EFHC1: variants seen among roughly 807,000 people sequenced by gnomAD.
EFHC1 encodes EF-hand domain-containing protein 1.
Under a neutral mutation model 69.9 loss-of-function variants are expected in EFHC1, and 53 were observed. That is an observed-to-expected ratio of 0.76 (90% confidence interval 0.61 to 0.95). The LOEUF (loss-of-function observed/expected upper bound fraction) is 0.95, where lower values mean the gene tolerates loss of function less well. Ranked by LOEUF, EFHC1 falls within the 40% of genes least tolerant of loss-of-function variation. The pLI is 0.00. For missense variants in EFHC1, 739 were observed against 798.7 expected (o/e 0.93, Z 0.90); for synonymous variants, 256 against 278.4 (o/e 0.92, Z 0.80).
At chr6:52,435,798 C>G (rs1764520159) in intron 2 of EFHC1, among the ~76,000 whole-genome samples, 1 of 152,214 alleles carries the variant, frequency 6.6e-6, no homozygotes, top group South Asian at 2.1e-4. Flanking sequence ...ATCTTTCACT[C>G]TTCAAGTCTA....
chr6:52,428,794 G>A (rs1274061003), intron 2 of EFHC1, among the ~76,000 whole-genome samples: 1 of 152,088 alleles, frequency 6.6e-6, no homozygotes, highest in East Asian at 1.9e-4. Context: ...TTCCATAGTG[G>A]TTGTACTAGT....
At chr6:52,463,533 A>C (rs780231232) in intron 5 of EFHC1, among the ~76,000 whole-genome samples, 68 of 152,218 alleles carry the variant, frequency 4.5e-4, no homozygotes, top group Admixed American at 4.6e-4. Context: ...GAACTTCTTA[A>C]TTCTTTCATT....
chr6:52,480,012 G>T, intron 9 of EFHC1: 1 of 716,174 alleles, frequency 1.4e-6, no homozygotes, highest in South Asian at 1.9e-5. Flanking sequence ...CAATGTGGGA[G>T]TTAGGGGTAC....
chr6:52,456,150 A>AT (rs869219214), intron 5 of EFHC1, among the ~76,000 whole-genome samples: 6 of 152,262 alleles, frequency 3.9e-5, no homozygotes, highest in African/African-American at 9.6e-5. Context: ...TATGTTATAT[A>AT]TTTTTTTAAA....
intron 3 of EFHC1, among the ~76,000 whole-genome samples, chr6:52,449,479 A>G (rs893019331): frequency 8.6e-5 from 13 of 151,638 alleles, no homozygotes; most frequent in African/African-American, 2.7e-4. Flanking sequence ...TTCATAGGCT[A>G]TTGATTACTG....
intron 2 of EFHC1, 58 bp downstream of exon 2, chr6:52,424,225 C>CA: frequency 6.6e-7 from 1 of 1,515,800 alleles, no homozygotes; most frequent in Non-Finnish European, 9.0e-7. Flanking sequence ...CAACTGCTTG[C>CA]AAAAAAGTTA....
At chr6:52,446,930 G>A (rs895377607) in intron 3 of EFHC1, among the ~76,000 whole-genome samples, 1 of 152,146 alleles carries the variant, frequency 6.6e-6, no homozygotes, top group Non-Finnish European at 1.5e-5. Flanking sequence ...CGAGAGATCC[G>A]CTGTTGGTCT....
chr6:52,466,441 T>G (rs1161531338), intron 6 of EFHC1, among the ~76,000 whole-genome samples: 1 of 152,224 alleles, frequency 6.6e-6, no homozygotes, highest in Non-Finnish European at 1.5e-5. Context: ...CAATACCCAG[T>G]GTAGGCTTCT....
intron 9 of EFHC1, chr6:52,482,786 T>TTGCC (rs777258149): frequency 5.0e-6 from 2 of 398,616 alleles, no homozygotes; most frequent in Non-Finnish European, 8.8e-6. Flanking sequence ...GTTGATAGGT[T>TTGCC]TGCCTTCACC....
intron 3 of EFHC1, among the ~76,000 whole-genome samples, chr6:52,450,516 G>C (rs1764891876): frequency 6.6e-6 from 1 of 152,176 alleles, no homozygotes; most frequent in African/African-American, 2.4e-5. Context: ...ATTTAGCATA[G>C]TTAGTTTTTT....
At chr6:52,490,644 G>A in intron 10 of EFHC1, 1 of 572,878 alleles carries the variant, frequency 1.7e-6, no homozygotes, top group Non-Finnish European at 3.1e-6. Context: ...CAGGAGGGGT[G>A]GCTACCAAGG....
Position 52,438,522 on chromosome 6 carries a change from A to G in EFHC1, c.504A>G (p.Leu168=), listed in dbSNP as rs1405675667. Reference sequence around the variant, plus strand: ...GTGACCATTACCATTGGAAAGACCTAAATCGAGGAATAAACATCACAATTT... The same window carrying G: ...GTGACCATTACCATTGGAAAGACCTGAATCGAGGAATAAACATCACAATTT... ...DRGDHYHWKD[L]NRGINITIYG... Residue 168 remains leucine, a synonymous_variant, in exon 3 of 11, where the codon CTA becomes CTG. Coordinates refer to ENST00000371068, the MANE Select transcript of EFHC1 (RefSeq NM_018100.4). 5.6e-6 allele frequency: 9 copies of G among 1,614,142 alleles called. No individual in the cohort carries two copies. The highest frequency in any genetic ancestry group is 7.6e-6 in the Non-Finnish European group (9 of 1,179,986).
intron 2 of EFHC1, among the ~76,000 whole-genome samples, chr6:52,430,931 G>A (rs528523384): frequency 6.6e-6 from 1 of 152,184 alleles, no homozygotes; most frequent in East Asian, 1.9e-4. Context: ...AGCTAGCAGG[G>A]TTTTATCTTT....
chr6:52,490,308 T>C lies in EFHC1; in HGVS notation c.1809T>C (p.Cys603=), dbSNP rs1765870652. The part of the protein sequence containing the change: ...YVDRDMFFKI[C]ESLNVPVDDS... ...ACAGAGACATGTTCTTTAAAATCTGTGAATCGCTTAACGTCCCAGTGGATG... is the reference window on the plus strand; with the variant it reads ...ACAGAGACATGTTCTTTAAAATCTGCGAATCGCTTAACGTCCCAGTGGATG... Residue 603 remains cysteine, a synonymous_variant, in exon 10 of 11, where the codon TGT becomes TGC. Coordinates refer to ENST00000371068, the MANE Select transcript of EFHC1 (RefSeq NM_018100.4). The C allele has an allele frequency of 3.7e-6, 6 of 1,614,134 alleles. No homozygotes were observed. The highest frequency in any genetic ancestry group is 2.2e-5 in the East Asian group (1 of 44,892).
chr6:52,445,124 C>G (rs1333939843), intron 3 of EFHC1, among the ~76,000 whole-genome samples: 2 of 148,606 alleles, frequency 1.3e-5, no homozygotes, highest in African/African-American at 5.0e-5. Flanking sequence ...GGTTGTATTT[C>G]TGTGGGATCG....
In EFHC1 at chr6:52,495,313, C is replaced by G. The variant is rs9367485; in HGVS notation, c.*2972C>G. 100,826 of 453,966 alleles carry G rather than the reference C, an allele frequency of 0.22. 12,924 individuals carry two copies. The highest frequency in any genetic ancestry group is 0.42 in the Admixed American group (17,667 of 42,566). The allele number at this position is 453,966 out of a possible 1,614,324, so 28.1% of individuals were successfully genotyped here. ...GACAGACACATGTCAAACCCTGAGT[C>G]TTTTAAAGTATACCCTCACTTAGCT... On this transcript the variant is annotated 3_prime_UTR_variant, in exon 11 of 11. Coordinates refer to ENST00000371068, the MANE Select transcript of EFHC1 (RefSeq NM_018100.4).
intron 2 of EFHC1, among the ~76,000 whole-genome samples, chr6:52,428,944 T>C (rs1192348639): frequency 6.6e-6 from 1 of 152,228 alleles, no homozygotes; most frequent in East Asian, 1.9e-4. Flanking sequence ...TGATCATTAG[T>C]GATGTTGAAC....
intron 5 of EFHC1, among the ~76,000 whole-genome samples, chr6:52,459,988 T>C (rs1035871651): frequency 1.3e-5 from 2 of 152,230 alleles, no homozygotes; most frequent in Non-Finnish European, 2.9e-5. Flanking sequence ...CAGTTTGTTT[T>C]TTAAAATTGC....
intron 5 of EFHC1, among the ~76,000 whole-genome samples, chr6:52,459,012 C>T (rs937434348): frequency 1.3e-5 from 2 of 152,014 alleles, no homozygotes; most frequent in African/African-American, 4.8e-5. Context: ...AGAAACAGAG[C>T]ATTGGGTATA....
Sources: allele counts gnomAD v4.1 joint callset (sites outside exome capture counted in the v4.1 genomes callset), GRCh38; gene constraint gnomAD v4.1.1; transcripts MANE v1.5; gene names NCBI Gene and HGNC (gene_info 2026-07-23, HGNC 2026-07-21).